Variants in SPINK5 observed in about 807,000 individuals in gnomAD.
SPINK5 encodes serine peptidase inhibitor Kazal type 5.
In SPINK5, 125 loss-of-function variants were observed where a neutral mutation model predicts 151.8. The ratio of observed to expected loss-of-function variants is 0.82; its 90% CI spans 0.71 to 0.96. The LOEUF (loss-of-function observed/expected upper bound fraction) is 0.96. Ranked by LOEUF, SPINK5 falls within the 40% of genes least tolerant of loss-of-function variation. The pLI is 0.00. For missense variants in SPINK5, 1,194 were observed against 1,291.9 expected (o/e 0.92, Z 1.16); for synonymous variants, 374 against 395.3 (o/e 0.95, Z 0.64).
intron 21 of SPINK5, 114 bp downstream of exon 21, chr5:148,114,603 GT>G: frequency 6.8e-7 from 1 of 1,461,406 alleles, no homozygotes; most frequent in South Asian, 1.2e-5. Flanking sequence ...GAAACAGAAG[GT>G]TATCTGTAAA....
chr5:148,103,413 T>C lies in SPINK5; in HGVS notation c.1430+1505T>C, dbSNP rs577056183. ...TGTGGGGTATAATCACTTAGTGAAG[T>C]CTTTCAGCCTGTTTTTTGTTCTCCC... On this transcript the variant is annotated intron_variant, in intron 15 of 32. Coordinates refer to ENST00000256084, the MANE Select transcript of SPINK5 (RefSeq NM_006846.4). Among the ~76,000 whole-genome samples the C allele has an allele frequency of 2.0e-5, 3 of 152,296 alleles. No homozygotes were observed. The South Asian group carries it at 6.2e-4, about 32-fold the overall frequency.
At chr5:148,075,486 T>C (rs963435803) in intron 4 of SPINK5, among the ~76,000 whole-genome samples, 1 of 151,688 alleles carries the variant, frequency 6.6e-6, no homozygotes, top group Non-Finnish European at 1.5e-5. Context: ...TGCAATTATG[T>C]TCTTAAGTAA....
At chr5:148,109,026 T>C (rs1210468255) in intron 18 of SPINK5, among the ~76,000 whole-genome samples, 189 bp downstream of exon 18, 1 of 151,994 alleles carries the variant, frequency 6.6e-6, no homozygotes, top group Non-Finnish European at 1.5e-5. Context: ...ATCTATTAAT[T>C]GCTCGTGCAG....
At chr5:148,084,976 C>T (rs10054638) in intron 4 of SPINK5, among the ~76,000 whole-genome samples, 102,655 of 151,182 alleles carry the variant, frequency 0.68, 35,537 homozygotes, top group African/African-American at 0.8. Flanking sequence ...CCATTTTTTT[C>T]TCTCTCTCTC....
intron 7 of SPINK5, 191 bp from the exon 8 acceptor site, chr5:148,090,974 C>CGTCTTTCTT (rs528844135): frequency 5.1e-6 from 3 of 586,704 alleles, no homozygotes; most frequent in Non-Finnish European, 9.1e-6. Flanking sequence ...AAGCTATTGC[C>CGTCTTTCTT]GTCTTTCTTT....
intron 18 of SPINK5, among the ~76,000 whole-genome samples, chr5:148,110,855 AG>A (rs60926756): frequency 0.037 from 5,650 of 151,932 alleles, 316 homozygotes; most frequent in African/African-American, 0.13. Context: ...CTAATGCATG[AG>A]GGGGCTAAAA....
At chr5:148,103,987 G>T (rs1288897415) in intron 15 of SPINK5, among the ~76,000 whole-genome samples, 1 of 152,126 alleles carries the variant, frequency 6.6e-6, no homozygotes, top group African/African-American at 2.4e-5. Flanking sequence ...AAATGTAACA[G>T]CTATCACTTT....
Position 148,134,939 on chromosome 5 carries a change from C to T in SPINK5, c.3186+1052C>T, listed in dbSNP as rs186981255. Reference sequence around the variant, plus strand: ...ATACTAGATAAGGCCATATTAAAAACGTCTGCCCAACAATCTTTGTTAAGG... The same window carrying T: ...ATACTAGATAAGGCCATATTAAAAATGTCTGCCCAACAATCTTTGTTAAGG... On this transcript the variant is annotated intron_variant, in intron 32 of 32. Transcript: ENST00000256084. 1.1e-3 allele frequency among the ~76,000 whole-genome samples: 172 copies of T among 151,784 alleles called. No individual in the cohort carries two copies. In the East Asian group the frequency reaches 0.013, roughly 12 times the overall value.
intron 10 of SPINK5, among the ~76,000 whole-genome samples, chr5:148,096,614 TACAG>T (rs562936444): frequency 1.4e-4 from 22 of 151,992 alleles, no homozygotes; most frequent in Non-Finnish European, 3.2e-4. Context: ...ACTTATTTCT[TACAG>T]ACAGTTTTCC....
At chr5:148,106,987 GC>G in intron 16 of SPINK5, 49 bp from the exon 17 acceptor site, 2 of 1,601,990 alleles carry the variant, frequency 1.2e-6, no homozygotes, top group Non-Finnish European at 1.7e-6. Flanking sequence ...AGGAAAAGAT[GC>G]AGGAAGGATA....
In SPINK5 at chr5:148,088,616, T is replaced by G. The variant is rs1299195751; in HGVS notation, c.474+11T>G. 5 of 1,611,012 alleles carry G rather than the reference T, an allele frequency of 3.1e-6. No homozygotes were observed. In the South Asian group the frequency reaches 5.5e-5, roughly 18 times the overall value. ...AGTAATCCAGAGCAGGTGAGGTCAA[T>G]TGTCAGCCTGATGGGAAATACTGGG... On this transcript the variant is annotated intron_variant, in intron 6 of 32. Transcript: ENST00000256084.
At chr5:148,123,807 A>G (rs762476351) in intron 26 of SPINK5, 26 bp from the exon 27 acceptor site, 6 of 1,613,676 alleles carry the variant, frequency 3.7e-6, no homozygotes, top group Non-Finnish European at 4.2e-6. Context: ...CATGACAGTA[A>G]CAACTTTTTC....
chr5:148,113,027 T>C (rs1309802402), intron 20 of SPINK5, 93 bp downstream of exon 20: 1 of 1,562,226 alleles, frequency 6.4e-7, no homozygotes, highest in Non-Finnish European at 8.7e-7. Flanking sequence ...ACCCCAGTTG[T>C]GAGGGAACTA....
rs775137970 is a variant in SPINK5, at chr5:148,104,955, A to G, written c.1434A>G (p.Gln478=). 2 of 1,613,138 alleles carry G rather than the reference A, an allele frequency of 1.2e-6. No homozygotes were observed. Among genetic ancestry groups the G allele is most frequent in the Admixed American group, 1.7e-5 (1 of 59,918 alleles). ...NTCSMCEAFF[Q]QEERARAKAK... is the part of the protein sequence containing the mutation. ...TTTTCTTTTCGGTTTCTTAAAGTCA[A>G]CAAGAAGAAAGAGCAAGAGCAAAGG... Residue 478 remains glutamine, a synonymous_variant, in exon 16 of 33, where the codon CAA becomes CAG. Coordinates refer to ENST00000256084, the MANE Select transcript of SPINK5 (RefSeq NM_006846.4).
chr5:148,110,148 T>C (rs60283517), intron 18 of SPINK5, among the ~76,000 whole-genome samples: 22,287 of 152,196 alleles, frequency 0.15, 2,150 homozygotes, highest in East Asian at 0.32. Flanking sequence ...ACTTATAAGA[T>C]AAGGACATTA....
In SPINK5 at chr5:148,111,525, CT is replaced by C. The variant is rs1248885505; in HGVS notation, c.1693-240del. Among the ~76,000 whole-genome samples, 13 of 152,282 alleles carry C rather than the reference CT, an allele frequency of 8.5e-5. No homozygotes were observed. The East Asian group carries it at 2.5e-3, about 29-fold the overall frequency. ...GGCCATACATTTTTCTTCTCTGTAT[CT>C]TTCACAGTGCCTAGTGCAGAATAAT... On this transcript the variant is annotated intron_variant, in intron 18 of 32. Coordinates refer to ENST00000256084, the MANE Select transcript of SPINK5 (RefSeq NM_006846.4).
chr5:148,097,519 C>T (rs574969852), intron 10 of SPINK5, among the ~76,000 whole-genome samples: 2 of 152,056 alleles, frequency 1.3e-5, no homozygotes, highest in African/African-American at 4.8e-5. Flanking sequence ...CATAAGTTCC[C>T]TGAACTTCCA....
Position 148,086,621 on chromosome 5 carries a change from C to T in SPINK5, c.410+89C>T, listed in dbSNP as rs895955973. 2.4e-5 allele frequency: 36 copies of T among 1,527,574 alleles called. No homozygotes were observed. The African/African-American group carries it at 2.6e-4, about 11-fold the overall frequency. 94.6% of individuals were successfully genotyped at this position (1,527,574 alleles called of 1,614,324 possible). ...ATTTTCCCTACAGTCTTTAAGCTAA[C>T]GATTCATTATGTGGGAGTTAGCCAT... On this transcript the variant is annotated intron_variant, in intron 5 of 32. Transcript: ENST00000256084.
At chr5:148,082,561 A>G (rs1753048928) in intron 4 of SPINK5, among the ~76,000 whole-genome samples, 1 of 149,796 alleles carries the variant, frequency 6.7e-6, no homozygotes, top group Admixed American at 6.6e-5. Flanking sequence ...AGACTTTGTG[A>G]CCTCACAAAT....
Sources: gnomAD v4.1 joint callset for allele counts (sites outside exome capture counted in the v4.1 genomes callset) on GRCh38, gnomAD v4.1.1 for gene constraint, MANE v1.5 for transcripts, NCBI Gene and HGNC (gene_info 2026-07-23, HGNC 2026-07-21) for gene names.